The following AKAP11 variants were observed in gnomAD, a reference collection of about 807,000 sequenced individuals.
AKAP11 encodes the protein A-kinase anchoring protein 11.
AKAP11 carries 36 observed loss-of-function variants against 146.1 expected under a neutral mutation model. The ratio of observed to expected loss-of-function variants is 0.25; its 90% CI spans 0.19 to 0.33. The LOEUF (loss-of-function observed/expected upper bound fraction) is 0.33. Ranked by LOEUF, AKAP11 falls within the 10% of genes least tolerant of loss-of-function variation. The pLI is 1.00. For synonymous variants in AKAP11, 780 were observed against 786.5 expected, an observed-to-expected ratio of 0.99 and a Z score of 0.14; for missense variants, 2,201 against 2,197.0, an observed-to-expected ratio of 1.00 and a Z score of -0.04.
chr13:42,286,902 T>C (rs1959171184), intron 3 of AKAP11, among the ~76,000 whole-genome samples: 1 of 152,240 alleles, frequency 6.6e-6, no homozygotes, highest in African/African-American at 2.4e-5. Flanking sequence ...TTGTCTTTGC[T>C]AAAACTTTGG....
In AKAP11 at chr13:42,322,231, C is replaced by G. The variant is rs2138752068; in HGVS notation, c.*3003C>G. On this transcript the variant is annotated 3_prime_UTR_variant, in exon 13 of 13. Transcript: ENST00000025301. Reference sequence around the variant, plus strand: ...TTCAGATATTTGTTGTAAGTTAATTCAATTCTTAATACTTTAATTTTGCTC... The same window carrying G: ...TTCAGATATTTGTTGTAAGTTAATTGAATTCTTAATACTTTAATTTTGCTC... 1 of 152,274 alleles carries G rather than the reference C, an allele frequency of 6.6e-6. No individual in the cohort carries two copies. The highest frequency in any genetic ancestry group is 1.9e-4 in the East Asian group (1 of 5,316). The allele number at this position is 152,274 out of a possible 1,614,324, so 9.4% of individuals were successfully genotyped here.
intron 1 of AKAP11, among the ~76,000 whole-genome samples, chr13:42,276,602 G>T (rs1291126330): frequency 5.9e-5 from 9 of 152,082 alleles, no homozygotes; most frequent in South Asian, 2.1e-4. Flanking sequence ...CTTCTAATTT[G>T]CAAAGCCTTC....
intron 6 of AKAP11, 34 bp from the exon 7 acceptor site, chr13:42,298,499 A>G (rs1478119871): frequency 1.3e-6 from 2 of 1,596,066 alleles, no homozygotes; most frequent in African/African-American, 1.4e-5. Flanking sequence ...ATTTGAAATT[A>G]AAATTGTTTT....
chr13:42,304,940 AG>A (rs1273715463), intron 8 of AKAP11, among the ~76,000 whole-genome samples: 2 of 152,038 alleles, frequency 1.3e-5, no homozygotes, highest in African/African-American at 2.4e-5. Flanking sequence ...TAGTAGAGAC[AG>A]GGTTTCACCA....
chr13:42,289,911 C>A lies in AKAP11; in HGVS notation c.52-2474C>A, dbSNP rs773131554. Among the ~76,000 whole-genome samples, 122 of 152,194 alleles carry A rather than the reference C, an allele frequency of 8.0e-4. 1 individual carries two copies. The highest frequency in any genetic ancestry group is 9.6e-4 in the Non-Finnish European group (65 of 68,008). ...AGAAAAAAACCTAGTACAATGAGCACCTCATATAGTCTTCACTCAGATTCA... is the reference window on the plus strand; with the variant it reads ...AGAAAAAAACCTAGTACAATGAGCAACTCATATAGTCTTCACTCAGATTCA... On this transcript the variant is annotated intron_variant, in intron 3 of 12. Coordinates refer to ENST00000025301, the MANE Select transcript of AKAP11 (RefSeq NM_016248.4).
At chr13:42,292,873 G>T (rs1372755723) in intron 4 of AKAP11, among the ~76,000 whole-genome samples, 1 of 151,958 alleles carries the variant, frequency 6.6e-6, no homozygotes, top group Admixed American at 6.6e-5. Context: ...GATTTTTTGG[G>T]TTATTTTCTT....
rs149483005 is a variant in AKAP11 at position 42,298,775 on chromosome 13, G to A, written c.594G>A (p.Glu198=). The A allele has an allele frequency of 1.3e-4, 208 of 1,587,658 alleles. No individual in the cohort carries two copies. In the African/African-American group the frequency reaches 2.5e-3, roughly 19 times the overall value. ...VTAFEHLEEE[E]TSKPYNDGMN... ...CTTTTGAGCACTTAGAAGAGGAAGA[G>A]ACTTCAAAGCCATACAATGATGGTT... is the stretch of plus-strand genomic sequence containing the variant. The change falls in exon 7 of 13, where the codon GAG becomes GAA. Residue 198 remains glutamate, a synonymous_variant. Coordinates refer to ENST00000025301, the MANE Select transcript of AKAP11 (RefSeq NM_016248.4).
At position 42,298,761 on chromosome 13, in the gene AKAP11, T is replaced by A; in HGVS notation, c.580T>A (p.Leu194Ile). ...EDDFVTAFEH[L>I]EEEETSKPYN... ...TGACTTTGTCACTGCTTTTGAGCAC[T>A]TAGAAGAGGAAGAGACTTCAAAGCC... is the stretch of plus-strand genomic sequence containing the variant. Residue 194 changes from leucine to isoleucine, a missense_variant, in exon 7 of 13, where the codon TTA becomes ATA. Around this residue, in one of 3 missense-constraint regions of AKAP11, gnomAD observed 331 missense variants for 347.4 expected, o/e 0.95. Coordinates refer to ENST00000025301, the MANE Select transcript of AKAP11 (RefSeq NM_016248.4). 1 of 1,595,982 alleles carries A rather than the reference T, an allele frequency of 6.3e-7. No homozygotes were observed. The highest frequency in any genetic ancestry group is 1.4e-5 in the African/African-American group (1 of 73,866).
At chr13:42,317,805 A>G in intron 12 of AKAP11, 117 bp downstream of exon 12, 3 of 1,223,802 alleles carry the variant, frequency 2.5e-6, no homozygotes, top group East Asian at 2.5e-5. Context: ...GTAGTGTCCA[A>G]CAGTTTGGGT....
intron 4 of AKAP11, among the ~76,000 whole-genome samples, chr13:42,293,370 T>C (rs896966470): frequency 2.6e-5 from 4 of 152,166 alleles, no homozygotes; most frequent in African/African-American, 9.7e-5. Flanking sequence ...GTATTCTCTT[T>C]CGGGTGGATG....
chr13:42,302,753 C>G lies in AKAP11; in HGVS notation c.4007C>G (p.Pro1336Arg). Residue 1336 changes from proline (P) to arginine (R), a missense_variant, in exon 8 of 13, where the codon CCC becomes CGC. Transcript: ENST00000025301. The part of the protein sequence containing the change: ...SCMSGLMYKY[P>R]SCESVTDEYA... ...ATGTCAGGTCTGATGTATAAGTATCCCAGCTGTGAAAGTGTGACAGATGAA... is the reference window on the plus strand; with the variant it reads ...ATGTCAGGTCTGATGTATAAGTATCGCAGCTGTGAAAGTGTGACAGATGAA... The G allele has an allele frequency of 6.2e-7, 1 of 1,613,932 alleles. No homozygotes were observed. The highest frequency in any genetic ancestry group is 1.7e-4 in the Middle Eastern group (1 of 6,060).
At chr13:42,307,004 A>G (rs1960294708) in intron 8 of AKAP11, among the ~76,000 whole-genome samples, 1 of 152,168 alleles carries the variant, frequency 6.6e-6, no homozygotes, top group Admixed American at 6.5e-5. Flanking sequence ...ATTTTTAGCC[A>G]ACAAAACGAT....
chr13:42,286,192 T>C, intron 2 of AKAP11, 108 bp from the exon 3 acceptor site: 1 of 444,090 alleles, frequency 2.3e-6, no homozygotes, highest in Non-Finnish European at 4.0e-6. Flanking sequence ...TTTGTTTTCA[T>C]TTTTATTTTT....
chr13:42,280,369 TTACTC>T (rs1331759313), intron 1 of AKAP11, among the ~76,000 whole-genome samples: 18 of 152,234 alleles, frequency 1.2e-4, no homozygotes, highest in Admixed American at 3.3e-4. Context: ...TTTGGAGTGT[TTACTC>T]TAAATGTGAT....
At position 42,302,912 on chromosome 13, in the gene AKAP11, T is replaced by G; in HGVS notation, c.4166T>G (p.Val1389Gly). ...CAGGAAGCAGCTAAGACAACCAAAG[T>G]GCAGTGCAACTCAAGAATGTTCCCT... ...GLQEAAKTTK[V>G]QCNSRMFPVP... Residue 1389 changes from valine (V) to glycine (G), a missense_variant, in exon 8 of 13, where the codon GTG becomes GGG. This residue lies in a region of AKAP11 where 1,867 missense variants were observed against 1,833.5 expected (regional missense o/e 1.02). Transcript: ENST00000025301. 1 of 1,613,954 alleles carries G rather than the reference T, an allele frequency of 6.2e-7. No individual in the cohort carries two copies. Among genetic ancestry groups the G allele is most frequent in the Non-Finnish European group, 8.5e-7 (1 of 1,179,998 alleles).
At chr13:42,275,961 C>G (rs529545614) in intron 1 of AKAP11, among the ~76,000 whole-genome samples, 32 of 152,312 alleles carry the variant, frequency 2.1e-4, no homozygotes, top group African/African-American at 7.5e-4. Flanking sequence ...GTGCTGACCA[C>G]TCATGCTTAA....
intron 1 of AKAP11, among the ~76,000 whole-genome samples, chr13:42,284,106 C>G (rs1959118456): frequency 6.6e-6 from 1 of 152,166 alleles, no homozygotes; most frequent in Non-Finnish European, 1.5e-5. Flanking sequence ...TTCCTCTTGC[C>G]TCAGTTTTTC....
intron 1 of AKAP11, among the ~76,000 whole-genome samples, chr13:42,282,944 A>G (rs535627450): frequency 6.6e-6 from 1 of 152,248 alleles, no homozygotes; most frequent in East Asian, 1.9e-4. Flanking sequence ...AAAGTTTATC[A>G]TAATACAAAT....
upstream of AKAP11, chr13:42,272,084 G>A (rs1958778929): frequency 9.9e-6 from 1 of 101,334 alleles, no homozygotes; most frequent in Non-Finnish European, 2.6e-5. Flanking sequence ...AAGCCGAGGG[G>A]TGGGCAGGGC....
Sources: allele counts gnomAD v4.1 joint callset (sites outside exome capture counted in the v4.1 genomes callset), GRCh38; gene constraint gnomAD v4.1.1; regional missense constraint gnomAD v4.1.1; transcripts MANE v1.5; gene names NCBI Gene and HGNC (gene_info 2026-07-23, HGNC 2026-07-21).